The following PRKG1 variants were observed in gnomAD, a reference collection of about 807,000 sequenced individuals.
PRKG1 encodes protein kinase cGMP-dependent 1, also known as cGMP-dependent protein kinase 1.
A neutral mutation model predicts 88.1 loss-of-function variants in PRKG1; 35 were observed. That is an observed-to-expected ratio of 0.40 (90% CI 0.30 to 0.53). PRKG1 has a LOEUF of 0.53. Among genes scored for constraint, PRKG1 ranks in the 20% least tolerant of loss-of-function variants. PRKG1 has a pLI of 0.59. For missense variants in PRKG1, 540 were observed against 839.8 expected (o/e 0.64, Z 4.41); for synonymous variants, 303 against 292.5 (o/e 1.04, Z -0.37).
chr10:51,808,973 T>A (rs1245943704), intron 4 of PRKG1, among the ~76,000 whole-genome samples: 1 of 152,174 alleles, frequency 6.6e-6, no homozygotes, highest in Non-Finnish European at 1.5e-5. Context: ...TTTCTTATCT[T>A]ATGGTGCCAC....
At chr10:51,307,951 C>T (rs998833067) in intron 2 of PRKG1, among the ~76,000 whole-genome samples, 1 of 152,158 alleles carries the variant, frequency 6.6e-6, no homozygotes, top group Non-Finnish European at 1.5e-5. Flanking sequence ...ATTCAGTAAA[C>T]ACAAATGTAG....
chr10:51,594,258 C>T (rs1190873983), intron 3 of PRKG1, among the ~76,000 whole-genome samples: 1 of 152,040 alleles, frequency 6.6e-6, no homozygotes, highest in Non-Finnish European at 1.5e-5. Flanking sequence ...GAACTCCTGG[C>T]CACAATTCAT....
chr10:51,457,077 C>T (rs1364981400), intron 2 of PRKG1, among the ~76,000 whole-genome samples: 2 of 152,126 alleles, frequency 1.3e-5, no homozygotes, highest in African/African-American at 4.8e-5. Flanking sequence ...CCAGCATTCT[C>T]ACTACTGAAG....
chr10:51,858,935 T>C lies in PRKG1; in HGVS notation c.699-48572T>C, dbSNP rs148173963. ...GACCCACCTCTGCCTTTAATATTCC[T>C]TTGATTTTTCTCCTTGCTTCCCAAG... On this transcript the variant is annotated intron_variant, in intron 4 of 17. Coordinates refer to ENST00000373980, the MANE Select transcript of PRKG1 (RefSeq NM_006258.4). 1.3e-3 allele frequency among the ~76,000 whole-genome samples: 194 copies of C among 152,248 alleles called. No individual in the cohort carries two copies. In the Middle Eastern group the frequency reaches 0.017, roughly 13 times the overall value.
intron 2 of PRKG1, among the ~76,000 whole-genome samples, chr10:51,426,684 A>G (rs930688704): frequency 6.6e-6 from 1 of 152,122 alleles, no homozygotes; most frequent in Non-Finnish European, 1.5e-5. Flanking sequence ...ACAAAAATAT[A>G]TGTGTGTGTC....
chr10:51,852,058 A>C (rs1840568523), intron 4 of PRKG1, among the ~76,000 whole-genome samples: 2 of 151,838 alleles, frequency 1.3e-5, no homozygotes, highest in African/African-American at 4.8e-5. Context: ...ATGTTGGAGA[A>C]AAAAACAATG....
chr10:51,368,663 T>C (rs552690836), intron 2 of PRKG1, among the ~76,000 whole-genome samples: 4 of 152,190 alleles, frequency 2.6e-5, no homozygotes, highest in African/African-American at 7.2e-5. Flanking sequence ...CTATGAACAA[T>C]AGATTTACTC....
chr10:51,044,852 A>G (rs1340709174), intron 1 of PRKG1, among the ~76,000 whole-genome samples: 1 of 152,172 alleles, frequency 6.6e-6, no homozygotes, highest in Admixed American at 6.5e-5. Context: ...TACTTTGAAA[A>G]CTGGATTGAG....
In PRKG1 at chr10:51,591,932, T is replaced by C. The variant is rs546035960; in HGVS notation, c.592+124096T>C. Among the ~76,000 whole-genome samples the C allele has an allele frequency of 4.0e-4, 61 of 152,276 alleles. No homozygotes were observed. In the South Asian group the frequency reaches 0.012, roughly 31 times the overall value. On this transcript the variant is annotated intron_variant, in intron 3 of 17. Transcript: ENST00000373980. ...GCCCCTTTTAAGAGCATAAGCAAAT[T>C]AAAAAACAGCAACCCAACAAACTCT... is the stretch of plus-strand genomic sequence containing the variant.
intron 3 of PRKG1, among the ~76,000 whole-genome samples, chr10:51,522,133 A>T (rs905468980): frequency 6.6e-6 from 1 of 152,218 alleles, no homozygotes; most frequent in African/African-American, 2.4e-5. Flanking sequence ...CTGTAGGTCT[A>T]GGGCAATGAG....
chr10:51,806,512 A>G (rs766573708), intron 4 of PRKG1, among the ~76,000 whole-genome samples: 3 of 152,168 alleles, frequency 2.0e-5, no homozygotes, highest in Non-Finnish European at 4.4e-5. Context: ...CTGGCTGAAT[A>G]AAAAAAGAGG....
At chr10:51,695,244 G>C (rs73343313) in intron 3 of PRKG1, among the ~76,000 whole-genome samples, 1 of 152,118 alleles carries the variant, frequency 6.6e-6, no homozygotes, top group Non-Finnish European at 1.5e-5. Context: ...GGGAACATAA[G>C]CTTAATATCT....
At chr10:52,289,953 A>G (rs1057022147) in intron 16 of PRKG1, among the ~76,000 whole-genome samples, 1 of 152,212 alleles carries the variant, frequency 6.6e-6, no homozygotes, top group Admixed American at 6.5e-5. Context: ...ATTATAGTGT[A>G]GGAACAAGGT....
intron 5 of PRKG1, among the ~76,000 whole-genome samples, chr10:51,956,711 T>TA (rs1210661582): frequency 8.1e-6 from 1 of 123,662 alleles, no homozygotes; most frequent in African/African-American, 3.0e-5. Context: ...GATATAAAAC[T>TA]CCTCTCTCTC....
chr10:51,390,149 A>G (rs1453988640), intron 2 of PRKG1, among the ~76,000 whole-genome samples: 1 of 152,248 alleles, frequency 6.6e-6, no homozygotes, highest in East Asian at 1.9e-4. Context: ...CATTTAAGGC[A>G]GAATCATGTG....
chr10:51,406,814 G>A (rs1475785602), intron 2 of PRKG1, among the ~76,000 whole-genome samples: 1 of 152,028 alleles, frequency 6.6e-6, no homozygotes. Context: ...TTCTCTAGAG[G>A]GAAAGAACTA....
At chr10:51,108,813 G>T (rs1047132287) in intron 1 of PRKG1, among the ~76,000 whole-genome samples, 2 of 152,142 alleles carry the variant, frequency 1.3e-5, no homozygotes, top group South Asian at 2.1e-4. Flanking sequence ...TATTGGAAAG[G>T]ATGGAGTATA....
intron 2 of PRKG1, among the ~76,000 whole-genome samples, chr10:51,222,126 C>G (rs1300293407): frequency 8.4e-6 from 1 of 119,002 alleles, no homozygotes; most frequent in South Asian, 2.4e-4. Context: ...ATCCGCGCCC[C>G]CCCCCGACCC....
At chr10:51,920,306 A>G (rs1842435716) in intron 5 of PRKG1, among the ~76,000 whole-genome samples, 1 of 152,214 alleles carries the variant, frequency 6.6e-6, no homozygotes, top group Admixed American at 6.5e-5. Context: ...TTTGAAGAAG[A>G]AAGAAACTTT....
Sources: gnomAD v4.1 joint callset for allele counts (sites outside exome capture counted in the v4.1 genomes callset) on GRCh38, gnomAD v4.1.1 for gene constraint, MANE v1.5 for transcripts, NCBI Gene and HGNC (gene_info 2026-07-23, HGNC 2026-07-21) for gene names.